The following SGCZ variants were observed in gnomAD, a reference collection of about 807,000 sequenced individuals.
SGCZ encodes sarcoglycan zeta, also known as zeta-sarcoglycan.
Under a neutral mutation model 41.3 loss-of-function variants are expected in SGCZ, and 40 were observed. That is an observed-to-expected ratio of 0.97 (90% confidence interval 0.75 to 1.26). The LOEUF is 1.26. Among genes scored for constraint, SGCZ ranks in the 50% most tolerant of loss-of-function variants. The pLI, the probability that SGCZ is intolerant of heterozygous loss-of-function variation, is 0.00. For missense variants in SGCZ, 552 were observed against 369.8 expected, an observed-to-expected ratio of 1.49 and a Z score of -4.04; for synonymous variants, 206 against 137.5, an observed-to-expected ratio of 1.50 and a Z score of -3.49.
intron 1 of SGCZ, among the ~76,000 whole-genome samples, chr8:14,652,451 G>C (rs1807437091): frequency 6.6e-6 from 1 of 151,674 alleles, no homozygotes; most frequent in African/African-American, 2.4e-5. Flanking sequence ...AAGCAATTAA[G>C]TATTTCCCAG....
At chr8:14,707,084 T>C (rs1809355878) in intron 1 of SGCZ, among the ~76,000 whole-genome samples, 2 of 151,888 alleles carry the variant, frequency 1.3e-5, no homozygotes, top group South Asian at 2.1e-4. Context: ...GTGCACAACG[T>C]GCAGGTTTGT....
intron 2 of SGCZ, among the ~76,000 whole-genome samples, chr8:14,402,966 G>T (rs1799118299): frequency 6.7e-6 from 1 of 149,452 alleles, no homozygotes; most frequent in South Asian, 2.1e-4. Context: ...TTATTTCCTT[G>T]AGCAGTGGTT....
rs772178783 is a variant in SGCZ, at chr8:15,177,415, C to T, written c.39+60170G>A. ...CTTACCTCAATGGATATGGCATGGC[C>T]AAGTATTCAGCAATTTTCCAGAATT... On this transcript the variant is annotated intron_variant, in intron 1 of 7. Coordinates refer to ENST00000382080, the MANE Select transcript of SGCZ (RefSeq NM_139167.4). Among the ~76,000 whole-genome samples, 17 of 152,058 alleles carry T rather than the reference C, an allele frequency of 1.1e-4. 1 individual carries two copies. The highest frequency in any genetic ancestry group is 5.9e-4 in the Admixed American group (9 of 15,256).
intron 2 of SGCZ, among the ~76,000 whole-genome samples, chr8:14,406,105 A>G (rs1799205665): frequency 6.6e-6 from 1 of 152,068 alleles, no homozygotes. Context: ...TGCTTAAGTA[A>G]ACTACAGTTT....
chr8:14,846,102 C>G (rs1333981024), intron 1 of SGCZ, among the ~76,000 whole-genome samples: 1 of 152,108 alleles, frequency 6.6e-6, no homozygotes, highest in Non-Finnish European at 1.5e-5. Flanking sequence ...CAAAACACCT[C>G]TCTCAATAAT....
At chr8:15,194,622 T>C (rs2603525) in intron 1 of SGCZ, among the ~76,000 whole-genome samples, 2,759 of 151,910 alleles carry the variant, frequency 0.018, 92 homozygotes, top group African/African-American at 0.061. Context: ...AAAAAGGAAA[T>C]GTAAGGATGG....
At chr8:15,017,763 C>G (rs192527440) in intron 1 of SGCZ, among the ~76,000 whole-genome samples, 116 of 152,340 alleles carry the variant, frequency 7.6e-4, no homozygotes, top group African/African-American at 2.7e-3. Flanking sequence ...CCCTCAGCCT[C>G]TCAAAGTGCT....
At chr8:14,574,460 C>A (rs2117239881) in intron 1 of SGCZ, among the ~76,000 whole-genome samples, 1 of 152,314 alleles carries the variant, frequency 6.6e-6, no homozygotes, top group Admixed American at 6.5e-5. Context: ...TAAAGACCCT[C>A]ATTCCAGAGG....
At chr8:14,579,637 C>T (rs1350825398) in intron 1 of SGCZ, among the ~76,000 whole-genome samples, 1 of 152,170 alleles carries the variant, frequency 6.6e-6, no homozygotes, top group Non-Finnish European at 1.5e-5. Context: ...CATTCACATC[C>T]TATATCTTCA....
At chr8:14,845,920 T>G (rs1387754465) in intron 1 of SGCZ, among the ~76,000 whole-genome samples, 1 of 152,164 alleles carries the variant, frequency 6.6e-6, no homozygotes, top group East Asian at 1.9e-4. Context: ...GAAGTGGTCC[T>G]CAAAGAAGAC....
chr8:15,227,459 C>T (rs913775676), intron 1 of SGCZ, among the ~76,000 whole-genome samples: 11 of 152,114 alleles, frequency 7.2e-5, no homozygotes, highest in African/African-American at 2.2e-4. Flanking sequence ...ATGAATCACA[C>T]GTCTTATAAT....
intron 1 of SGCZ, among the ~76,000 whole-genome samples, chr8:14,829,268 C>A: frequency 6.6e-6 from 1 of 152,144 alleles, no homozygotes; most frequent in Non-Finnish European, 1.5e-5. Context: ...CATTTAGCTA[C>A]CACTAGTAAG....
chr8:14,546,885 T>C (rs1162595244), intron 2 of SGCZ, among the ~76,000 whole-genome samples: 1 of 152,174 alleles, frequency 6.6e-6, no homozygotes, highest in Non-Finnish European at 1.5e-5. Flanking sequence ...TTACTCTTGT[T>C]CATCAGTGTG....
chr8:14,309,474 CTGT>C, intron 3 of SGCZ: 1 of 1,607,004 alleles, frequency 6.2e-7, no homozygotes, highest in Non-Finnish European at 8.5e-7. Flanking sequence ...GTATGTGGCG[CTGT>C]TGTTAATGTT....
At chr8:14,291,926 C>T (rs971369393) in intron 3 of SGCZ, among the ~76,000 whole-genome samples, 5 of 151,872 alleles carry the variant, frequency 3.3e-5, no homozygotes, top group Admixed American at 1.3e-4. Flanking sequence ...TGTCTAAAAG[C>T]CCCAACTACT....
chr8:14,860,186 C>T (rs923501964), intron 1 of SGCZ, among the ~76,000 whole-genome samples: 6 of 150,412 alleles, frequency 4.0e-5, no homozygotes, highest in Non-Finnish European at 7.4e-5. Flanking sequence ...TACACAAAGT[C>T]TTTTTTTTTG....
chr8:14,898,429 G>A (rs999217028), intron 1 of SGCZ, among the ~76,000 whole-genome samples: 1 of 152,204 alleles, frequency 6.6e-6, no homozygotes, highest in Admixed American at 6.5e-5. Flanking sequence ...GCCTGCTGCA[G>A]AGGTTGGGAG....
chr8:14,237,488 AAC>A, intron 4 of SGCZ, 102 bp downstream of exon 4: 2 of 1,079,556 alleles, frequency 1.9e-6, no homozygotes, highest in African/African-American at 3.3e-5. Context: ...GTCTCAAAAC[AAC>A]AACAACAACA....
At chr8:14,574,266 G>A (rs763593552) in intron 1 of SGCZ, among the ~76,000 whole-genome samples, 1 of 152,000 alleles carries the variant, frequency 6.6e-6, no homozygotes, top group African/African-American at 2.4e-5. Context: ...GATTCTTGCT[G>A]ACTTTGTCCT....
Sources: allele counts gnomAD v4.1 joint callset (sites outside exome capture counted in the v4.1 genomes callset), GRCh38; gene constraint gnomAD v4.1.1; transcripts MANE v1.5; gene names NCBI Gene and HGNC (gene_info 2026-07-23, HGNC 2026-07-21).